Variants in PGAP2 observed in about 807,000 individuals in gnomAD.
The protein encoded by PGAP2 is post-GPI attachment to proteins 2.
A neutral mutation model predicts 33.2 loss-of-function variants in PGAP2; 21 were observed. The ratio of observed to expected loss-of-function variants is 0.63; its 90% CI spans 0.45 to 0.91. The LOEUF is 0.91. Among genes scored for constraint, PGAP2 ranks in the 40% least tolerant of loss-of-function variants. The pLI is 0.00. For missense variants in PGAP2, 345 were observed against 424.0 expected (o/e 0.81, Z 1.64); for synonymous variants, 161 against 172.9 (o/e 0.93, Z 0.54).
rs558862497 is a variant in PGAP2 at position 3,808,592 on chromosome 11, C to T, written c.-70C>T. 7.4e-7 allele frequency: 1 copy of T among 1,347,652 alleles called. No individual in the cohort carries two copies. The highest frequency in any genetic ancestry group is 9.5e-7 in the Non-Finnish European group (1 of 1,050,562). The allele number at this position is 1,347,652 out of a possible 1,614,324, so 83.5% of individuals were successfully genotyped here. ...CTCTGACCAGCCCGCAGAGCCAGCC[C>T]CCGACCCCGGGCCACCTGGGCCCCC... On this transcript the variant is annotated 5_prime_UTR_variant, in exon 1 of 7. Coordinates refer to ENST00000278243, the MANE Select transcript of PGAP2 (RefSeq NM_014489.4).
chr11:3,817,510 A>G lies in PGAP2; in HGVS notation c.323A>G (p.Glu108Gly). The change falls in exon 3 of 7, where the codon GAG (glutamate) becomes GGG (glycine). Residue 108 changes from glutamate to glycine, a missense_variant. Coordinates refer to ENST00000278243, the MANE Select transcript of PGAP2 (RefSeq NM_014489.4). ...CIIWSLVFHFEYTVATDCGVP... is the reference protein window; with the variant it reads ...CIIWSLVFHFGYTVATDCGVP... ...ATCTGGTCCCTGGTGTTCCACTTTGAGTACACGGTGGCCACTGACTGTGGG... is the reference window on the plus strand; with the variant it reads ...ATCTGGTCCCTGGTGTTCCACTTTGGGTACACGGTGGCCACTGACTGTGGG... The G allele has an allele frequency of 6.2e-7, 1 of 1,614,078 alleles. No individual in the cohort carries two copies.
intron 3 of PGAP2, chr11:3,817,774 C>T (rs765185321): frequency 3.4e-5 from 22 of 656,212 alleles, no homozygotes; most frequent in Non-Finnish European, 5.3e-5. Flanking sequence ...ATGACGGGCG[C>T]AGTGGCTCAT....
intron 1 of PGAP2, among the ~76,000 whole-genome samples, chr11:3,799,426 T>G (rs943092502): frequency 2.6e-5 from 4 of 152,008 alleles, no homozygotes; most frequent in Non-Finnish European, 5.9e-5. Flanking sequence ...TAATCCCAGC[T>G]GCTTCTCGGT....
chr11:3,800,855 G>T (rs887391153), intron 1 of PGAP2, among the ~76,000 whole-genome samples: 3 of 149,818 alleles, frequency 2.0e-5, no homozygotes, highest in Non-Finnish European at 4.4e-5. Flanking sequence ...ATTTCCTGCC[G>T]GGAATGGTGG....
intron 3 of PGAP2, among the ~76,000 whole-genome samples, chr11:3,819,559 G>T (rs1249461819): frequency 1.3e-5 from 2 of 152,106 alleles, no homozygotes; most frequent in African/African-American, 2.4e-5. Context: ...CCAAAGGAAT[G>T]AATCTTATGG....
At chr11:3,803,127 G>T (rs2134161136) in intron 1 of PGAP2, among the ~76,000 whole-genome samples, 1 of 151,878 alleles carries the variant, frequency 6.6e-6, no homozygotes, top group African/African-American at 2.4e-5. Flanking sequence ...CCGAGTAGCT[G>T]GGACTGCAGG....
Position 3,817,401 on chromosome 11 carries a change from G to C in PGAP2, c.214G>C (p.Asp72His), listed in dbSNP as rs138861663. Residue 72 changes from aspartate (D) to histidine (H), a missense_variant, in exon 3 of 7, where the codon GAT becomes CAT. By Grantham distance (81) the Asp-to-His change is moderately conservative. Transcript: ENST00000278243. ...TGCGGCCTCCCAGCCTTTGGACCCC[G>C]ATGGGACCTTGTTCCGGCTTCGCTT... Reference protein sequence around the residue: ...FSAASQPLDPDGTLFRLRFTA... With the variant: ...FSAASQPLDPHGTLFRLRFTA... 21 of 1,614,060 alleles carry C rather than the reference G, an allele frequency of 1.3e-5. No homozygotes were observed. Among genetic ancestry groups the C allele is most frequent in the Non-Finnish European group, 1.8e-5 (21 of 1,180,028 alleles).
chr11:3,824,443 G>A (rs1174175988), intron 5 of PGAP2, 67 bp downstream of exon 5: 1 of 1,613,062 alleles, frequency 6.2e-7, no homozygotes, highest in South Asian at 1.1e-5. Context: ...CTGTCCTCAG[G>A]ATTCGGGTAA....
In PGAP2 at chr11:3,808,618, G is replaced by A. The variant is rs2084912254; in HGVS notation, c.-44G>A. ...CCGACCCCGGGCCACCTGGGCCCCC[G>A]GGTTCCGCCGGCACTCTCGCCACCA... is the stretch of plus-strand genomic sequence containing the variant. On this transcript the variant is annotated 5_prime_UTR_variant, in exon 1 of 7. Transcript: ENST00000278243. 7.6e-7 allele frequency: 1 copy of A among 1,318,344 alleles called. No homozygotes were observed. Among genetic ancestry groups the A allele is most frequent in the Non-Finnish European group, 9.7e-7 (1 of 1,032,584 alleles). 81.7% of individuals were successfully genotyped at this position (1,318,344 alleles called of 1,614,324 possible). A position where few individuals can be genotyped will look rare whatever the true frequency, so the allele number is the denominator to read the frequency against.
At position 3,811,511 on chromosome 11, in the gene PGAP2, C is replaced by T. The variant is rs2085562875; in HGVS notation, c.165+87C>T. 3 of 1,289,732 alleles carry T rather than the reference C, an allele frequency of 2.3e-6. No homozygotes were observed. The Admixed American group carries it at 6.7e-5, about 29-fold the overall frequency. The allele number at this position is 1,289,732 out of a possible 1,614,324, so 79.9% of individuals were successfully genotyped here. On this transcript the variant is annotated intron_variant, in intron 2 of 6. Coordinates refer to ENST00000278243, the MANE Select transcript of PGAP2 (RefSeq NM_014489.4). The surrounding 1 kb of genome is among the most constrained non-coding windows in gnomAD (Gnocchi z 4.6). Reference sequence around the variant, plus strand: ...AATATCTTTTAACAAGATTAGCCAGCTCTCCACTGGGGCCCATCAAACATA... The same window carrying T: ...AATATCTTTTAACAAGATTAGCCAGTTCTCCACTGGGGCCCATCAAACATA...
rs756891130 is a variant in PGAP2 at position 3,824,050 on chromosome 11, G to A, written c.516G>A (p.Pro172=). The change falls in exon 4 of 7, where the codon CCG becomes CCA. Residue 172 remains proline, a synonymous_variant. Transcript: ENST00000278243. ...CCTCCCCGTGTTCCTGCTATCGCCC[G>A]CTCTGCCGCCTCAACTTCGGCCTCA... is the stretch of plus-strand genomic sequence containing the variant. The part of the protein sequence containing the change: ...SCTSPCSCYR[P]LCRLNFGLNV... 2.4e-5 allele frequency: 39 copies of A among 1,614,028 alleles called. No homozygotes were observed. Among genetic ancestry groups the A allele is most frequent in the Middle Eastern group, 3.3e-4 (2 of 6,084 alleles).
chr11:3,802,299 A>G (rs1037384), intron 1 of PGAP2, among the ~76,000 whole-genome samples: 98,791 of 151,604 alleles, frequency 0.65, 33,494 homozygotes, highest in East Asian at 0.8. Context: ...GTAGGCAAGT[A>G]GCCCATGGCT....
intron 3 of PGAP2, chr11:3,822,897 T>C (rs1158014905): frequency 6.9e-7 from 1 of 1,452,132 alleles, no homozygotes; most frequent in Non-Finnish European, 9.3e-7. Flanking sequence ...TATCTTCTCC[T>C]TTTTCCTTAA....
upstream of PGAP2, among the ~76,000 whole-genome samples, chr11:3,803,799 T>TA (rs1564974962): frequency 9.4e-5 from 11 of 116,886 alleles, no homozygotes; most frequent in African/African-American, 2.4e-4. Flanking sequence ...ATATATATAT[T>TA]TTTTTTTTTG....
chr11:3,808,259 G>A (rs1364014264), upstream of PGAP2: 10 of 1,550,830 alleles, frequency 6.4e-6, no homozygotes, highest in East Asian at 2.2e-4. Context: ...AAGAAATCCG[G>A]CCCCTGTTGA....
intron 1 of PGAP2, among the ~76,000 whole-genome samples, chr11:3,799,937 C>A (rs2083214293): frequency 6.6e-6 from 1 of 152,104 alleles, no homozygotes; most frequent in Non-Finnish European, 1.5e-5. Flanking sequence ...CATGCCACTC[C>A]CGCCTGGGCA....
chr11:3,800,492 ATTTAATTTAATTCAG>A lies in PGAP2; in HGVS notation c.139+2523_139+2537del, dbSNP rs533240700. Among the ~76,000 whole-genome samples the A allele has an allele frequency of 7.2e-5, 11 of 152,302 alleles. No homozygotes were observed. The South Asian group carries it at 2.3e-3, about 32-fold the overall frequency. On this transcript the variant is annotated intron_variant, in intron 1 of 6. Coordinates refer to the PGAP2 transcript ENST00000300730. ...TAATTCAGTTTAAATTTATTTATTA[ATTTAATTTAATTCAG>A]TTTAATTTAATTAAGAAATTTGGGC...
chr11:3,817,666 G>A (rs746913525), intron 3 of PGAP2, 131 bp downstream of exon 3: 43 of 765,758 alleles, frequency 5.6e-5, no homozygotes, highest in Non-Finnish European at 8.2e-5. Context: ...GGAAGGGTAG[G>A]TAAGTCAGAG....
chr11:3,815,490 A>C (rs190879665), intron 2 of PGAP2, among the ~76,000 whole-genome samples: 24 of 152,160 alleles, frequency 1.6e-4, no homozygotes, highest in African/African-American at 5.5e-4. Flanking sequence ...TTTGTATTTT[A>C]GTAGTGACGG....
Sources: allele counts gnomAD v4.1 joint callset (sites outside exome capture counted in the v4.1 genomes callset), GRCh38; gene constraint gnomAD v4.1.1; non-coding constraint Gnocchi (gnomAD v3.1); transcripts MANE v1.5; gene names NCBI Gene and HGNC (gene_info 2026-07-23, HGNC 2026-07-21).